Variants in BAZ2B observed in about 807,000 individuals in gnomAD.
BAZ2B encodes the protein bromodomain adjacent to zinc finger domain protein 2B.
BAZ2B carries 91 observed loss-of-function variants against 246.0 expected under a neutral mutation model. The ratio of observed to expected loss-of-function variants is 0.37; its 90% CI spans 0.31 to 0.44. The LOEUF is 0.44. Ranked by LOEUF, BAZ2B falls within the 20% of genes least tolerant of loss-of-function variation. The pLI, the probability that BAZ2B is intolerant of heterozygous loss-of-function variation, is 1.00. For missense variants in BAZ2B, 2,332 were observed against 2,533.7 expected, an observed-to-expected ratio of 0.92 and a Z score of 1.71; for synonymous variants, 855 against 860.0, an observed-to-expected ratio of 0.99 and a Z score of 0.10.
intron 2 of BAZ2B, among the ~76,000 whole-genome samples, chr2:159,544,781 G>A (rs1193551410): frequency 6.6e-6 from 1 of 151,980 alleles, no homozygotes; most frequent in Non-Finnish European, 1.5e-5. Context: ...GGAAATATGT[G>A]GAAAAAAACA....
intron 27 of BAZ2B, 30 bp from the exon 28 acceptor site, chr2:159,350,387 A>G: frequency 6.9e-7 from 1 of 1,453,068 alleles, no homozygotes; most frequent in Non-Finnish European, 9.1e-7. Context: ...TATGAACATC[A>G]GTTACTCCAG....
chr2:159,398,936 A>G, intron 17 of BAZ2B, 42 bp from the exon 18 acceptor site: 1 of 1,562,038 alleles, frequency 6.4e-7, no homozygotes, highest in South Asian at 1.1e-5. Flanking sequence ...CAACAGCACC[A>G]CTACAACTTG....
the BAZ2B span, among the ~76,000 whole-genome samples, chr2:159,649,415 T>C: frequency 2.2e-4 from 34 of 152,266 alleles, no homozygotes; most frequent in Non-Finnish European, 4.1e-4. Context: ...AATCTAATGC[T>C]ACCACTGATC....
chr2:159,347,782 T>A, intron 30 of BAZ2B, 136 bp from the exon 31 acceptor site: 2 of 684,514 alleles, frequency 2.9e-6, no homozygotes, highest in Non-Finnish European at 4.8e-6. Context: ...CTTGTGTATG[T>A]ACAGGCAGCT....
intron 2 of BAZ2B, among the ~76,000 whole-genome samples, chr2:159,480,490 T>C (rs1485201475): frequency 6.6e-6 from 1 of 152,124 alleles, no homozygotes; most frequent in Non-Finnish European, 1.5e-5. Context: ...AGTAGTCTTG[T>C]ATACATACTG....
At chr2:159,670,665 A>G in the BAZ2B span, 1 of 152,226 alleles carries the variant, frequency 6.6e-6, no homozygotes, top group African/African-American at 2.4e-5. Context: ...ATTTTAAAGG[A>G]CTTAAGAGGA....
intron 1 of BAZ2B, among the ~76,000 whole-genome samples, chr2:159,560,010 G>C (rs2089662933): frequency 6.6e-6 from 1 of 152,138 alleles, no homozygotes; most frequent in South Asian, 2.1e-4. Context: ...TTTAAGTCAT[G>C]ATATGCAATC....
At chr2:159,495,484 CAAAAAAAAAAAAAAA>C (rs56365046) in intron 2 of BAZ2B, among the ~76,000 whole-genome samples, 19 of 73,212 alleles carry the variant, frequency 2.6e-4, no homozygotes, top group Middle Eastern at 0.01. Flanking sequence ...GACTCCGTCT[CAAAAAAAAAAAAAAA>C]AAAAAAAAAA....
In BAZ2B at chr2:159,351,864, A is replaced by G. The variant is rs72955275; in HGVS notation, c.4214-1507T>C. ...TGCTCACAAGTTAAAATATTCAGTC[A>G]TGAAGGGTATAAAGTAAAGGCCTTT... On this transcript the variant is annotated intron_variant, in intron 27 of 36. Coordinates refer to ENST00000392783, the MANE Select transcript of BAZ2B (RefSeq NM_013450.4). Among the ~76,000 whole-genome samples the G allele has an allele frequency of 7.0e-3, 1,074 of 152,360 alleles. 14 individuals are homozygous for G. The highest frequency in any genetic ancestry group is 0.018 in the Admixed American group (280 of 15,310).
chr2:159,438,975 A>C (rs1245644502), intron 7 of BAZ2B, 34 bp downstream of exon 7: 23 of 1,587,460 alleles, frequency 1.4e-5, no homozygotes, highest in Non-Finnish European at 2.0e-5. Context: ...AAATATGAAT[A>C]ATGTTTGGAT....
intron 25 of BAZ2B, among the ~76,000 whole-genome samples, chr2:159,379,466 T>C (rs1442980010): frequency 6.6e-6 from 1 of 152,120 alleles, no homozygotes; most frequent in African/African-American, 2.4e-5. Context: ...ACTTAAACAT[T>C]TATTAAGAGG....
intron 20 of BAZ2B, among the ~76,000 whole-genome samples, chr2:159,394,610 C>CTCT (rs1355675086): frequency 6.6e-6 from 1 of 152,148 alleles, no homozygotes; most frequent in Non-Finnish European, 1.5e-5. Context: ...CTAAGAGGTA[C>CTCT]TCTATGTCAG....
rs879400393 is a variant in BAZ2B at position 159,383,636 on chromosome 2, T to C, written c.3731A>G (p.Asp1244Gly). The change falls in exon 24 of 37, where the codon GAT becomes GGT. Residue 1244 changes from aspartate to glycine, a missense_variant. Asp to Gly is a moderately conservative substitution (Grantham distance 94). Around this residue, in one of 9 missense-constraint regions of BAZ2B, gnomAD observed 328 missense variants for 410.4 expected, o/e 0.80. Transcript: ENST00000392783. Reference protein sequence around the residue: ...NIDYMSNLRRDKWVVEGKLRK... With the variant: ...NIDYMSNLRRGKWVVEGKLRK... ...GAGTTTACCTTCTACCACCCATTTA[T>C]CTCTCCTCAAGTTTGACATATAATC... is the stretch of plus-strand genomic sequence containing the variant. 7 of 1,611,810 alleles carry C rather than the reference T, an allele frequency of 4.3e-6. No individual in the cohort carries two copies. In the Admixed American group the frequency reaches 8.4e-5, roughly 19 times the overall value.
chr2:159,642,364 A>G, the BAZ2B span, among the ~76,000 whole-genome samples: 9 of 151,540 alleles, frequency 5.9e-5, no homozygotes, highest in African/African-American at 1.9e-4. Flanking sequence ...CGGCCTCCCA[A>G]GTAGCTGGGA....
chr2:159,603,103 C>T (rs565987438), intron 1 of BAZ2B, among the ~76,000 whole-genome samples: 1 of 152,332 alleles, frequency 6.6e-6, no homozygotes, highest in Admixed American at 6.5e-5. Context: ...CACCACTGCA[C>T]TCCAGCCTAG....
At chr2:159,488,457 T>C (rs2080086153) in intron 2 of BAZ2B, among the ~76,000 whole-genome samples, 1 of 152,164 alleles carries the variant, frequency 6.6e-6, no homozygotes, top group African/African-American at 2.4e-5. Context: ...TTATAATGCA[T>C]TGTATGCCTG....
intron 2 of BAZ2B, among the ~76,000 whole-genome samples, chr2:159,524,918 T>G (rs2084562979): frequency 1.3e-5 from 2 of 151,852 alleles, no homozygotes; most frequent in African/African-American, 2.4e-5. Context: ...AAGAATAAAA[T>G]AAATACATGG....
intron 2 of BAZ2B, among the ~76,000 whole-genome samples, chr2:159,480,607 T>A (rs1043476215): frequency 6.6e-6 from 1 of 151,976 alleles, no homozygotes. Flanking sequence ...CACTCACAGA[T>A]AAAGTATCAT....
chr2:159,534,793 T>C (rs1046584585), intron 2 of BAZ2B, among the ~76,000 whole-genome samples: 6 of 151,954 alleles, frequency 3.9e-5, no homozygotes, highest in Non-Finnish European at 7.4e-5. Context: ...TTTTAGTAGA[T>C]AAGGGGTTTC....
Sources: allele counts gnomAD v4.1 joint callset (sites outside exome capture counted in the v4.1 genomes callset), GRCh38; gene constraint gnomAD v4.1.1; regional missense constraint gnomAD v4.1.1; transcripts MANE v1.5; gene names NCBI Gene and HGNC (gene_info 2026-07-23, HGNC 2026-07-21).